The following DNMT1 variants were observed in gnomAD, a reference collection of about 807,000 sequenced individuals.
The protein encoded by DNMT1 is DNA methyltransferase 1, also known as DNA (cytosine-5)-methyltransferase 1.
Under a neutral mutation model 205.3 loss-of-function variants are expected in DNMT1, and 24 were observed. That is an observed-to-expected ratio of 0.12 (90% confidence interval 0.08 to 0.16). DNMT1 has a LOEUF of 0.16. Ranked by LOEUF, DNMT1 falls within the 10% of genes least tolerant of loss-of-function variation. The pLI, the probability that DNMT1 is intolerant of heterozygous loss-of-function variation, is 1.00. For missense variants in DNMT1, 1,293 were observed against 2,177.7 expected (o/e 0.59, Z 8.09); for synonymous variants, 817 against 839.8 (o/e 0.97, Z 0.47).
intron 13 of DNMT1, among the ~76,000 whole-genome samples, chr19:10,161,094 C>A (rs2038558691): frequency 6.6e-6 from 1 of 152,078 alleles, no homozygotes; most frequent in African/African-American, 2.4e-5. Flanking sequence ...ATCACGAGAT[C>A]AAGAGATTGA....
At chr19:10,192,450 T>C (rs1437001259) in intron 1 of DNMT1, among the ~76,000 whole-genome samples, 2 of 151,814 alleles carry the variant, frequency 1.3e-5, no homozygotes, top group African/African-American at 2.4e-5. Context: ...ATTGAGCCAG[T>C]GGAGGTCATG....
Position 10,140,659 on chromosome 19 carries a change from T to A in DNMT1, c.3523+122A>T. The A allele has an allele frequency of 1.3e-6, 2 of 1,564,832 alleles. No homozygotes were observed. Among genetic ancestry groups the A allele is most frequent in the South Asian group, 1.1e-5 (1 of 89,440 alleles). On this transcript the variant is annotated intron_variant, in intron 32 of 40. Coordinates refer to ENST00000359526, the MANE Select transcript of DNMT1 (RefSeq NM_001130823.3). The surrounding 1 kb of genome is among the most constrained non-coding windows in gnomAD (Gnocchi z 8.4). ...CTGGGATTACAGGCGTGCGCCACCG[T>A]GCCTGGCCTCGGAAGGAGATTCTTG... is the stretch of plus-strand genomic sequence containing the variant.
rs2089582194 is a variant in DNMT1 at position 10,140,567 on chromosome 19, A to C, written c.3523+214T>G. On this transcript the variant is annotated intron_variant, in intron 32 of 40. Transcript: ENST00000359526. This position sits in a 1 kb window ranked among gnomAD's most constrained non-coding sequence, Gnocchi z 8.4. ...GTATTCTTATTAGAGACGGGGTTTCACCATGTTGGCCAGGATGGTCTCAAA... is the reference window on the plus strand; with the variant it reads ...GTATTCTTATTAGAGACGGGGTTTCCCCATGTTGGCCAGGATGGTCTCAAA... 1 of 936,214 alleles carries C rather than the reference A, an allele frequency of 1.1e-6. No homozygotes were observed. The highest frequency in any genetic ancestry group is 1.6e-6 in the Non-Finnish European group (1 of 624,410). The allele number at this position is 936,214 out of a possible 1,614,324, so 58.0% of individuals were successfully genotyped here. A position where few individuals can be genotyped will look rare whatever the true frequency, so the allele number is the denominator to read the frequency against.
In DNMT1 at chr19:10,153,043, G is replaced by A. The variant is rs567842853; in HGVS notation, c.2020-1196C>T. On this transcript the variant is annotated intron_variant, in intron 22 of 40. Coordinates refer to ENST00000359526, the MANE Select transcript of DNMT1 (RefSeq NM_001130823.3). ...GATGGGTTAAGAAGCCAGATAGGTG[G>A]TGTGAGGAAAGAAGAACGCACACTG... Among the ~76,000 whole-genome samples the A allele has an allele frequency of 3.3e-5, 5 of 152,240 alleles. No individual in the cohort carries two copies. The East Asian group carries it at 5.8e-4, about 18-fold the overall frequency.
chr19:10,149,790 A>G, intron 25 of DNMT1, 63 bp downstream of exon 25: 1 of 1,607,494 alleles, frequency 6.2e-7, no homozygotes, highest in Non-Finnish European at 8.5e-7. Flanking sequence ...TTTTGGCAAA[A>G]CAGGCATCTC....
Position 10,136,217 on chromosome 19 carries a change from C to G in DNMT1, c.4560G>C (p.Gly1520=). The change falls in exon 38 of 41, where the codon GGG becomes GGC. Residue 1520 remains glycine, a synonymous_variant. Coordinates refer to ENST00000359526, the MANE Select transcript of DNMT1 (RefSeq NM_001130823.3). ...GGCCAGCCCAGTGGTTGTGCCGGTT[C>G]CCGGTGTGGGGCAGGCACCAGGGGA... is the stretch of plus-strand genomic sequence containing the variant. ...TLIPWCLPHT[G]NRHNHWAGLY... The G allele has an allele frequency of 6.2e-7, 1 of 1,614,142 alleles. No homozygotes were observed. The highest frequency in any genetic ancestry group is 1.3e-5 in the African/African-American group (1 of 75,066).
At position 10,151,569 on chromosome 19, in the gene DNMT1, A is replaced by G; in HGVS notation, c.2118-24T>C. On this transcript the variant is annotated intron_variant, in intron 23 of 40. Transcript: ENST00000359526. This position sits in a 1 kb window ranked among gnomAD's most constrained non-coding sequence, Gnocchi z 5.0. ...ACCTGCAATGTCACTGGTTATACCT[A>G]AGGCCCCTTTTCTAAGTAAGACCAA... 1 of 1,608,818 alleles carries G rather than the reference A, an allele frequency of 6.2e-7. No individual in the cohort carries two copies. Among genetic ancestry groups the G allele is most frequent in the Non-Finnish European group, 8.5e-7 (1 of 1,179,988 alleles).
chr19:10,140,354 C>G lies in DNMT1; in HGVS notation c.3524-26G>C. 1 of 1,611,986 alleles carries G rather than the reference C, an allele frequency of 6.2e-7. No individual in the cohort carries two copies. The highest frequency in any genetic ancestry group is 8.5e-7 in the Non-Finnish European group (1 of 1,179,852). On this transcript the variant is annotated intron_variant, in intron 32 of 40. Coordinates refer to ENST00000359526, the MANE Select transcript of DNMT1 (RefSeq NM_001130823.3). The surrounding 1 kb of genome is among the most constrained non-coding windows in gnomAD (Gnocchi z 8.4). Reference sequence around the variant, plus strand: ...CTGGCAGATCAAGCACGAAGCCATGCTTTCAACTCTCCAGAAGATTTTTTT... The same window carrying G: ...CTGGCAGATCAAGCACGAAGCCATGGTTTCAACTCTCCAGAAGATTTTTTT...
At position 10,133,952 on chromosome 19, in the gene DNMT1, A is replaced by C. The variant is rs2089425387; in HGVS notation, c.4865-251T>G. On this transcript the variant is annotated intron_variant, in intron 40 of 40. Transcript: ENST00000359526. The surrounding 1 kb of genome is among the most constrained non-coding windows in gnomAD (Gnocchi z 4.1). ...GGTGCCTGCTGAGCCAAATTCACCG[A>C]GCAGGAGTGAGGGAAACGGCCCCAG... is the stretch of plus-strand genomic sequence containing the variant. Among the ~76,000 whole-genome samples the C allele has an allele frequency of 6.6e-6, 1 of 152,206 alleles. No individual in the cohort carries two copies. Among genetic ancestry groups the C allele is most frequent in the African/African-American group, 2.4e-5 (1 of 41,448 alleles).
chr19:10,160,042 G>A lies in DNMT1; in HGVS notation c.1065C>T (p.Arg355=), dbSNP rs751409077. 5.0e-6 allele frequency: 8 copies of A among 1,608,770 alleles called. No individual in the cohort carries two copies. The highest frequency in any genetic ancestry group is 1.7e-5 in the Admixed American group (1 of 59,304). ...CCTTGGAGTTCATGACTGTTTTGGC[G>A]CGAGCCATTTTTTTCTCCGTTCTGG... ...PKEPTEKKMA[R]AKTVMNSKTH... Residue 355 remains arginine (R), a synonymous_variant, in exon 15 of 41, where the codon CGC becomes CGT. Coordinates refer to ENST00000359526, the MANE Select transcript of DNMT1 (RefSeq NM_001130823.3).
rs1474132846 is a variant in DNMT1, at chr19:10,149,986, A to G, written c.2266-18T>C. ...CCATCAGTCTGAAAATGAGAGCATA[A>G]GTTCATGGAGGATCATTCTGAGGGT... On this transcript the variant is annotated intron_variant, in intron 24 of 40. Transcript: ENST00000359526. 1 of 1,607,778 alleles carries G rather than the reference A, an allele frequency of 6.2e-7. No individual in the cohort carries two copies. Among genetic ancestry groups the G allele is most frequent in the African/African-American group, 1.3e-5 (1 of 74,860 alleles).
rs2038198784 is a variant in DNMT1, at chr19:10,146,296, C to A, written c.2894+55G>T. On this transcript the variant is annotated intron_variant, in intron 28 of 40. Coordinates refer to ENST00000359526, the MANE Select transcript of DNMT1 (RefSeq NM_001130823.3). The surrounding 1 kb of genome is among the most constrained non-coding windows in gnomAD (Gnocchi z 4.4). Reference sequence around the variant, plus strand: ...TGTAAGGAGGGGGACACCACAAAGCCAGCCTGGCTCAGCCTGGAGCGCCCT... The same window carrying A: ...TGTAAGGAGGGGGACACCACAAAGCAAGCCTGGCTCAGCCTGGAGCGCCCT... 6.2e-7 allele frequency: 1 copy of A among 1,603,064 alleles called. No homozygotes were observed. The highest frequency in any genetic ancestry group is 8.5e-7 in the Non-Finnish European group (1 of 1,174,778).
chr19:10,135,776 G>C lies in DNMT1; in HGVS notation c.4733C>G (p.Thr1578Ser), dbSNP rs1395078736. The C allele has an allele frequency of 9.4e-6, 15 of 1,602,324 alleles. No individual in the cohort carries two copies. Among genetic ancestry groups the C allele is most frequent in the Non-Finnish European group, 1.1e-5 (13 of 1,175,740 alleles). Reference protein sequence around the residue: ...ECARSQGFPDTYRLFGNILDK... With the variant: ...ECARSQGFPDSYRLFGNILDK... ...CAGGATGTTGCCGAAGAGCCGGTAG[G>C]TGTCAGGGAAGCCCTGGGAGCGGGC... The change falls in exon 39 of 41, where the codon ACC becomes AGC. Residue 1578 changes from threonine to serine, a missense_variant. By Grantham distance (58) the Thr-to-Ser change is moderately conservative. Transcript: ENST00000359526.
intron 29 of DNMT1, 86 bp downstream of exon 29, chr19:10,143,680 T>C (rs2089645729): frequency 6.8e-7 from 1 of 1,467,902 alleles, no homozygotes; most frequent in African/African-American, 1.4e-5. Context: ...TTAGAACAAC[T>C]GTGGGTGCTA....
chr19:10,180,715 T>C, intron 3 of DNMT1, 63 bp downstream of exon 3: 1 of 1,549,384 alleles, frequency 6.5e-7, no homozygotes, highest in Non-Finnish European at 8.9e-7. Context: ...GCCTCCCTGG[T>C]CACAGACAAG....
At chr19:10,183,584 G>A (rs759345821) in intron 1 of DNMT1, among the ~76,000 whole-genome samples, 6 of 152,202 alleles carry the variant, frequency 3.9e-5, no homozygotes, top group Non-Finnish European at 8.8e-5. Flanking sequence ...GGCTGGGCGT[G>A]GTGGCTGATG....
At position 10,135,885 on chromosome 19, in the gene DNMT1, T is replaced by C. The variant is rs1398651816; in HGVS notation, c.4657-33A>G. 5 of 1,537,994 alleles carry C rather than the reference T, an allele frequency of 3.3e-6. No individual in the cohort carries two copies. In the East Asian group the frequency reaches 1.2e-4, roughly 37 times the overall value. Reference sequence around the variant, plus strand: ...AAAGAGGCGCGGTGGGCGAGGGCAGTAGCACCCAGGCCGGGTCACCGTCGG... The same window carrying C: ...AAAGAGGCGCGGTGGGCGAGGGCAGCAGCACCCAGGCCGGGTCACCGTCGG... On this transcript the variant is annotated intron_variant, in intron 38 of 40. Transcript: ENST00000359526.
intron 5 of DNMT1, 143 bp downstream of exon 5, chr19:10,180,044 T>A: frequency 2.7e-6 from 1 of 374,426 alleles, no homozygotes; most frequent in South Asian, 3.2e-5. Flanking sequence ...CCAGGCGTGG[T>A]GGCTTATGCC....
intron 2 of DNMT1, among the ~76,000 whole-genome samples, chr19:10,181,386 T>C (rs968287163): frequency 6.6e-6 from 1 of 151,308 alleles, no homozygotes; most frequent in Non-Finnish European, 1.5e-5. Flanking sequence ...GAGGCGAAGG[T>C]TGCAGTGAGC....
Sources: allele counts gnomAD v4.1 joint callset (sites outside exome capture counted in the v4.1 genomes callset), GRCh38; gene constraint gnomAD v4.1.1; non-coding constraint Gnocchi (gnomAD v3.1); transcripts MANE v1.5; gene names NCBI Gene and HGNC (gene_info 2026-07-23, HGNC 2026-07-21).